The following WAC variants were observed in gnomAD, a reference collection of about 807,000 sequenced individuals.
WAC encodes the protein WW domain containing adaptor with coiled-coil.
Under a neutral mutation model 79.6 loss-of-function variants are expected in WAC, and 11 were observed. The ratio of observed to expected loss-of-function variants is 0.14; its 90% CI spans 0.09 to 0.23. The LOEUF (loss-of-function observed/expected upper bound fraction) is 0.23, where lower values mean the gene tolerates loss of function less well. WAC is among the 10% of genes least tolerant of loss of function. The pLI is 1.00. For missense variants in WAC, 728 were observed against 773.5 expected (o/e 0.94, Z 0.70); for synonymous variants, 304 against 276.9 (o/e 1.10, Z -0.97).
intron 7 of WAC, among the ~76,000 whole-genome samples, chr10:28,603,468 C>T (rs1331894956): frequency 6.6e-6 from 1 of 152,172 alleles, no homozygotes; most frequent in Non-Finnish European, 1.5e-5. Flanking sequence ...AAAAACACTA[C>T]ATTCTCTCAC....
intron 3 of WAC, among the ~76,000 whole-genome samples, chr10:28,571,829 A>C (rs539874982): frequency 3.9e-5 from 6 of 152,248 alleles, no homozygotes; most frequent in Non-Finnish European, 8.8e-5. Context: ...TTGTAACTCT[A>C]ATCAGTCAGC....
chr10:28,584,195 GT>G (rs1406292884), intron 4 of WAC, among the ~76,000 whole-genome samples: 1 of 152,144 alleles, frequency 6.6e-6, no homozygotes, highest in Non-Finnish European at 1.5e-5. Flanking sequence ...GCTTTGGAGG[GT>G]GCTCAACACA....
At chr10:28,611,244 C>A in intron 9 of WAC, 1 of 1,289,666 alleles carries the variant, frequency 7.8e-7, no homozygotes, top group Non-Finnish European at 1.0e-6. Flanking sequence ...TCATTTTCTG[C>A]CTTGAATTAG....
At chr10:28,570,557 A>G (rs530855916) in intron 3 of WAC, among the ~76,000 whole-genome samples, 1 of 152,306 alleles carries the variant, frequency 6.6e-6, no homozygotes, top group African/African-American at 2.4e-5. Context: ...TCTGCTTTTA[A>G]GTATTGGACT....
At chr10:28,552,730 C>T (rs544848259) in intron 3 of WAC, among the ~76,000 whole-genome samples, 5 of 151,440 alleles carry the variant, frequency 3.3e-5, no homozygotes, top group Middle Eastern at 3.4e-3. Flanking sequence ...ATTGTTAACT[C>T]GATAACAAGA....
chr10:28,610,987 ATTT>A, intron 9 of WAC, 166 bp downstream of exon 9: 2 of 715,136 alleles, frequency 2.8e-6, no homozygotes, highest in Non-Finnish European at 4.3e-6. Flanking sequence ...ATACAGTAGT[ATTT>A]TTATTTCCTT....
chr10:28,599,377 G>C (rs1380299446), intron 7 of WAC, among the ~76,000 whole-genome samples: 1 of 152,114 alleles, frequency 6.6e-6, no homozygotes, highest in Non-Finnish European at 1.5e-5. Flanking sequence ...TATTCCTAGT[G>C]CTTGACAGAT....
At chr10:28,594,395 CTT>C (rs1424463673) in intron 6 of WAC, among the ~76,000 whole-genome samples, 2 of 152,148 alleles carry the variant, frequency 1.3e-5, no homozygotes, top group South Asian at 2.1e-4. Context: ...TAGAATAAAA[CTT>C]TTTAAATTTT....
intron 1 of WAC, 153 bp from the exon 2 acceptor site, chr10:28,533,845 G>T (rs557116188): frequency 2.8e-6 from 3 of 1,066,020 alleles, no homozygotes; most frequent in Non-Finnish European, 4.0e-6. Flanking sequence ...CCTTCCGGAG[G>T]CTCCGGGTTT....
intron 2 of WAC, 46 bp from the exon 3 acceptor site, chr10:28,535,516 G>A (rs1449308944): frequency 1.3e-6 from 2 of 1,513,922 alleles, no homozygotes; most frequent in Middle Eastern, 2.0e-4. Flanking sequence ...GGGAGTTTAA[G>A]GTTTCAATTC....
chr10:28,590,964 A>G, intron 6 of WAC, 132 bp downstream of exon 6: 2 of 788,072 alleles, frequency 2.5e-6, no homozygotes, highest in South Asian at 3.3e-5. Flanking sequence ...TTTATGTTGG[A>G]TTTATTATAC....
chr10:28,580,731 A>T (rs951685479), intron 3 of WAC, among the ~76,000 whole-genome samples: 2 of 152,176 alleles, frequency 1.3e-5, no homozygotes, highest in Non-Finnish European at 2.9e-5. Context: ...TCTGATTTTT[A>T]AAAAATCTTT....
At chr10:28,614,723 T>C in intron 11 of WAC, 38 bp downstream of exon 11, 9 of 1,472,444 alleles carry the variant, frequency 6.1e-6, no homozygotes, top group East Asian at 2.3e-5. Context: ...CATTGTTTTA[T>C]TTAATGATGG....
intron 7 of WAC, among the ~76,000 whole-genome samples, chr10:28,596,969 C>T (rs1022055639): frequency 2.6e-5 from 4 of 151,940 alleles, no homozygotes; most frequent in Admixed American, 2.0e-4. Flanking sequence ...CTTGTAGCCC[C>T]CTTAAAATCT....
intron 3 of WAC, among the ~76,000 whole-genome samples, chr10:28,565,234 C>G (rs577195521): frequency 6.6e-6 from 1 of 152,148 alleles, no homozygotes; most frequent in South Asian, 2.1e-4. Context: ...GGATCGTTTC[C>G]AGGTTAAGGC....
At position 28,608,263 on chromosome 10, in the gene WAC, A is replaced by G. The variant is rs766194067; in HGVS notation, c.997A>G (p.Thr333Ala). Residue 333 changes from threonine to alanine, a missense_variant, in exon 8 of 14, where the codon ACA becomes GCA. By Grantham distance (58) the Thr-to-Ala change is moderately conservative. Around this residue, in one of 3 missense-constraint regions of WAC, gnomAD observed 648 missense variants for 661.5 expected, o/e 0.98. Coordinates refer to ENST00000354911, the MANE Select transcript of WAC (RefSeq NM_016628.5). ...GTCTTCTGCCTCTGGACTGAACCCC[A>G]CATCTGCACCTCCAACATCTGCTTC... ...STSSASGLNP[T>A]SAPPTSASAV... 1.1e-5 allele frequency: 17 copies of G among 1,614,032 alleles called. No individual in the cohort carries two copies. Among genetic ancestry groups the G allele is most frequent in the Non-Finnish European group, 1.4e-5 (17 of 1,180,042 alleles).
Position 28,593,995 on chromosome 10 carries a change from C to T in WAC, c.611-1738C>T, listed in dbSNP as rs1187723091. ...GGTTGTTGAGCACCATAACTGGCCTCTCCTCACTAGATGCCAGTAGCATAC... is the reference window on the plus strand; with the variant it reads ...GGTTGTTGAGCACCATAACTGGCCTTTCCTCACTAGATGCCAGTAGCATAC... On this transcript the variant is annotated intron_variant, in intron 6 of 13. Coordinates refer to ENST00000354911, the MANE Select transcript of WAC (RefSeq NM_016628.5). Among the ~76,000 whole-genome samples the T allele has an allele frequency of 2.0e-5, 3 of 152,124 alleles. No homozygotes were observed. The East Asian group carries it at 5.8e-4, about 29-fold the overall frequency.
At chr10:28,546,093 A>C (rs927463322) in intron 3 of WAC, among the ~76,000 whole-genome samples, 1 of 152,204 alleles carries the variant, frequency 6.6e-6, no homozygotes. Context: ...ATATTTAGAT[A>C]GTGTTAGTCT....
chr10:28,602,508 A>G (rs1840693348), intron 7 of WAC, among the ~76,000 whole-genome samples: 1 of 152,336 alleles, frequency 6.6e-6, no homozygotes, highest in Non-Finnish European at 1.5e-5. Flanking sequence ...ACTATTACAA[A>G]ATAGATAAAG....
Sources: gnomAD v4.1 joint callset for allele counts (sites outside exome capture counted in the v4.1 genomes callset) on GRCh38, gnomAD v4.1.1 for gene constraint, gnomAD v4.1.1 regional missense constraint, MANE v1.5 for transcripts, NCBI Gene and HGNC (gene_info 2026-07-23, HGNC 2026-07-21) for gene names.